The following RBFOX1 variants were observed in gnomAD, a reference collection of about 807,000 sequenced individuals.
RBFOX1 encodes the protein RNA binding fox-1 homolog 1.
A neutral mutation model predicts 57.7 loss-of-function variants in RBFOX1; 8 were observed. That is an observed-to-expected ratio of 0.14 (90% confidence interval 0.08 to 0.25). RBFOX1 has a LOEUF of 0.25. Ranked by LOEUF, RBFOX1 falls within the 10% of genes least tolerant of loss-of-function variation. The pLI, the probability that RBFOX1 is intolerant of heterozygous loss-of-function variation, is 1.00. For missense variants in RBFOX1, 611 were observed against 548.5 expected (o/e 1.11, Z -1.14); for synonymous variants, 326 against 222.4 (o/e 1.47, Z -4.15).
intron 3 of RBFOX1, among the ~76,000 whole-genome samples, chr16:6,769,633 G>T (rs72766723): frequency 3.9e-5 from 6 of 152,182 alleles, no homozygotes; most frequent in Non-Finnish European, 8.8e-5. Context: ...AATGATGACT[G>T]TTGGCTCTAA....
chr16:7,222,608 C>T (rs983708015), intron 4 of RBFOX1, among the ~76,000 whole-genome samples: 4 of 152,230 alleles, frequency 2.6e-5, no homozygotes, highest in African/African-American at 7.2e-5. Context: ...CAAATCTCCT[C>T]TCTGCCGCTT....
At chr16:7,451,248 G>C (rs537176277) in intron 4 of RBFOX1, among the ~76,000 whole-genome samples, 24 of 152,224 alleles carry the variant, frequency 1.6e-4, no homozygotes, top group Non-Finnish European at 2.8e-4. Context: ...ATTGAATTCA[G>C]TTCTATGAGC....
chr16:6,400,556 C>G (rs1206472278), intron 2 of RBFOX1, among the ~76,000 whole-genome samples: 1 of 150,636 alleles, frequency 6.6e-6, no homozygotes, highest in African/African-American at 2.5e-5. Context: ...AAATTATACC[C>G]AATATAGTAA....
chr16:6,328,842 C>T (rs545264234), intron 2 of RBFOX1, among the ~76,000 whole-genome samples: 105 of 152,050 alleles, frequency 6.9e-4, no homozygotes, highest in Middle Eastern at 3.4e-3. Context: ...AAAAGGGAGT[C>T]GTGATTACTG....
intron 4 of RBFOX1, among the ~76,000 whole-genome samples, chr16:7,188,391 C>T (rs541693183): frequency 6.6e-6 from 1 of 152,140 alleles, no homozygotes; most frequent in East Asian, 1.9e-4. Context: ...TATGAAAAAC[C>T]TAGAGTTAAA....
At chr16:5,901,528 C>T (rs1017910349) in intron 4 of RBFOX1, among the ~76,000 whole-genome samples, 5 of 152,188 alleles carry the variant, frequency 3.3e-5, no homozygotes, top group African/African-American at 7.2e-5. Flanking sequence ...CCACTCAATG[C>T]ATGTGGCCGT....
At chr16:7,637,127 C>G (rs895052778) in intron 11 of RBFOX1, among the ~76,000 whole-genome samples, 4 of 152,184 alleles carry the variant, frequency 2.6e-5, no homozygotes, top group Middle Eastern at 3.4e-3. Flanking sequence ...GTTCCGTATG[C>G]TTATCAATGC....
intron 2 of RBFOX1, among the ~76,000 whole-genome samples, chr16:6,498,177 G>T (rs1447207644): frequency 1.3e-5 from 2 of 151,564 alleles, no homozygotes; most frequent in Admixed American, 1.3e-4. Context: ...ACTACTACCT[G>T]GGAGGTGGAG....
intron 3 of RBFOX1, among the ~76,000 whole-genome samples, chr16:6,965,267 G>T (rs551377143): frequency 6.6e-6 from 1 of 152,000 alleles, no homozygotes; most frequent in Admixed American, 6.6e-5. Context: ...GGAGAATTCA[G>T]GACTAGAATG....
chr16:6,648,851 TTATATA>T (rs1306079398), intron 2 of RBFOX1, among the ~76,000 whole-genome samples: 1 of 152,192 alleles, frequency 6.6e-6, no homozygotes, highest in Non-Finnish European at 1.5e-5. Flanking sequence ...CTGACAAAAG[TTATATA>T]TATTTATCAT....
At chr16:5,407,844 T>C (rs2151455780) in intron 1 of RBFOX1, among the ~76,000 whole-genome samples, 1 of 152,228 alleles carries the variant, frequency 6.6e-6, no homozygotes, top group African/African-American at 2.4e-5. Context: ...CCACTGCACA[T>C]GGCCCAGGCC....
intron 3 of RBFOX1, among the ~76,000 whole-genome samples, chr16:6,741,868 A>G (rs371880527): frequency 4.6e-5 from 7 of 152,214 alleles, no homozygotes; most frequent in East Asian, 1.9e-4. Flanking sequence ...GTCAAAGCAT[A>G]CAAAGTTTTA....
At chr16:5,372,713 T>A (rs1366648270) in intron 1 of RBFOX1, among the ~76,000 whole-genome samples, 1 of 152,218 alleles carries the variant, frequency 6.6e-6, no homozygotes, top group Non-Finnish European at 1.5e-5. Flanking sequence ...TGTATATCTA[T>A]GTGGTTGGTT....
chr16:5,717,031 C>G (rs1035575558), intron 3 of RBFOX1, among the ~76,000 whole-genome samples: 3 of 152,122 alleles, frequency 2.0e-5, no homozygotes, highest in African/African-American at 4.8e-5. Context: ...ACTCTTAACT[C>G]CAGTGATTTC....
chr16:6,615,227 G>A (rs911442229), intron 2 of RBFOX1, among the ~76,000 whole-genome samples: 1 of 152,180 alleles, frequency 6.6e-6, no homozygotes, highest in Non-Finnish European at 1.5e-5. Context: ...CTTATACAGA[G>A]AACTTCCCAG....
At chr16:5,544,854 C>T (rs1045319951) in intron 2 of RBFOX1, among the ~76,000 whole-genome samples, 3 of 150,944 alleles carry the variant, frequency 2.0e-5, no homozygotes, top group African/African-American at 7.4e-5. Context: ...AACTAGGTAA[C>T]CGTATTAACC....
intron 3 of RBFOX1, among the ~76,000 whole-genome samples, chr16:5,719,904 T>C (rs1356590650): frequency 6.6e-6 from 1 of 152,166 alleles, no homozygotes; most frequent in Non-Finnish European, 1.5e-5. Flanking sequence ...TTTTGACTTC[T>C]CTCGAAAGTA....
At chr16:5,319,647 A>G (rs907715834) in intron 1 of RBFOX1, among the ~76,000 whole-genome samples, 1 of 152,200 alleles carries the variant, frequency 6.6e-6, no homozygotes, top group African/African-American at 2.4e-5. Context: ...TTTCAGTGTC[A>G]TATATTAAGT....
At chr16:5,897,059 C>T (rs1478167012) in intron 4 of RBFOX1, among the ~76,000 whole-genome samples, 29 of 90,684 alleles carry the variant, frequency 3.2e-4, no homozygotes, top group East Asian at 4.6e-4. Flanking sequence ...GACGGAGTCT[C>T]GCTCTGTCGC....
Sources: gnomAD v4.1 joint callset for allele counts (sites outside exome capture counted in the v4.1 genomes callset) on GRCh38, gnomAD v4.1.1 for gene constraint, MANE v1.5 for transcripts, NCBI Gene and HGNC (gene_info 2026-07-23, HGNC 2026-07-21) for gene names.